Variants in GABRB2 observed in about 807,000 individuals in gnomAD.
GABRB2 encodes gamma-aminobutyric acid receptor subunit beta-2.
In GABRB2, 16 loss-of-function variants were observed where a neutral mutation model predicts 54.7. The observed-to-expected ratio is 0.29, with a 90% CI of 0.20 to 0.44. The LOEUF is 0.44. Among genes scored for constraint, GABRB2 ranks in the 20% least tolerant of loss-of-function variants. The probability of loss-of-function intolerance (pLI) is 1.00; values close to 1 mark genes in which losing one functional copy is unlikely to be tolerated. For synonymous variants in GABRB2, 244 were observed against 233.8 expected (o/e 1.04, Z -0.40); for missense variants, 355 against 644.0 (o/e 0.55, Z 4.86).
chr5:161,543,129 A>G (rs1365770035), intron 3 of GABRB2, among the ~76,000 whole-genome samples: 1 of 152,256 alleles, frequency 6.6e-6, no homozygotes, highest in East Asian at 1.9e-4. Context: ...TCTAATCATT[A>G]ATGTTGCAAT....
chr5:161,516,631 T>C (rs1332650585), intron 3 of GABRB2, among the ~76,000 whole-genome samples: 3 of 150,924 alleles, frequency 2.0e-5, no homozygotes, highest in African/African-American at 7.3e-5. Context: ...CTGTAGGGTT[T>C]GCAAATAAAG....
intron 3 of GABRB2, among the ~76,000 whole-genome samples, chr5:161,500,334 C>T (rs1759393573): frequency 6.6e-6 from 1 of 152,000 alleles, no homozygotes; most frequent in Admixed American, 6.6e-5. Context: ...TTTCCACCCA[C>T]ATATAAAACA....
chr5:161,369,946 G>T (rs1159049465), intron 5 of GABRB2, among the ~76,000 whole-genome samples: 1 of 152,154 alleles, frequency 6.6e-6, no homozygotes, highest in Non-Finnish European at 1.5e-5. Context: ...AAATTAAATT[G>T]TCTCTGCTTG....
At chr5:161,402,437 A>G (rs1250064009) in intron 5 of GABRB2, among the ~76,000 whole-genome samples, 1 of 152,178 alleles carries the variant, frequency 6.6e-6, no homozygotes, top group African/African-American at 2.4e-5. Context: ...CTCCAGTCTC[A>G]CAGGAATAAC....
intron 3 of GABRB2, among the ~76,000 whole-genome samples, chr5:161,509,426 T>G (rs2113399775): frequency 6.6e-6 from 1 of 152,092 alleles, no homozygotes; most frequent in African/African-American, 2.4e-5. Context: ...TGAAAAGCAC[T>G]TATCCCATTT....
intron 3 of GABRB2, among the ~76,000 whole-genome samples, chr5:161,485,778 T>C (rs1479404598): frequency 6.6e-6 from 1 of 151,908 alleles, no homozygotes; most frequent in African/African-American, 2.4e-5. Flanking sequence ...TCAGTGAGAC[T>C]CAATTCTGCA....
chr5:161,473,636 C>T (rs2964778), intron 3 of GABRB2, among the ~76,000 whole-genome samples: 7,388 of 151,958 alleles, frequency 0.049, 363 homozygotes, highest in Admixed American at 0.16. Context: ...TTCTTAGGAA[C>T]AAAAATAGCA....
intron 9 of GABRB2, among the ~76,000 whole-genome samples, chr5:161,322,506 G>C (rs887527606): frequency 6.6e-6 from 1 of 152,166 alleles, no homozygotes; most frequent in Non-Finnish European, 1.5e-5. Context: ...AAAGTGCTGG[G>C]ATCACAAGTG....
rs10042231 is a variant in GABRB2 at position 161,294,504 on chromosome 5, T to G, written c.1192-76A>C. On this transcript the variant is annotated intron_variant, in intron 9 of 9. Transcript: ENST00000393959. ...GTGCTTACTAGGCAAGGCACTATGATCGGCACTTAAGGGATTTATAGGAGT... is the reference window on the plus strand; with the variant it reads ...GTGCTTACTAGGCAAGGCACTATGAGCGGCACTTAAGGGATTTATAGGAGT... The G allele has an allele frequency of 3.1e-6, 4 of 1,286,286 alleles. No homozygotes were observed. The Admixed American group carries it at 8.0e-5, about 26-fold the overall frequency. 79.7% of individuals were successfully genotyped at this position (1,286,286 alleles called of 1,614,324 possible).
At chr5:161,519,287 A>T (rs1379329954) in intron 3 of GABRB2, among the ~76,000 whole-genome samples, 1 of 152,198 alleles carries the variant, frequency 6.6e-6, no homozygotes, top group South Asian at 2.1e-4. Flanking sequence ...TGTTCATCTC[A>T]ATTATCTTGC....
At chr5:161,506,353 C>A (rs1759606626) in intron 3 of GABRB2, among the ~76,000 whole-genome samples, 1 of 152,084 alleles carries the variant, frequency 6.6e-6, no homozygotes, top group South Asian at 2.1e-4. Context: ...GTAAAACTCC[C>A]ATTAGGCATT....
intron 1 of GABRB2, 62 bp downstream of exon 1, chr5:161,546,505 G>A: frequency 1.9e-6 from 3 of 1,561,014 alleles, no homozygotes; most frequent in Non-Finnish European, 2.6e-6. Context: ...CCTGCTCACA[G>A]AGGTATGCAG....
At chr5:161,389,109 T>C (rs1226617977) in intron 5 of GABRB2, among the ~76,000 whole-genome samples, 1 of 152,032 alleles carries the variant, frequency 6.6e-6, no homozygotes, top group Non-Finnish European at 1.5e-5. Flanking sequence ...ACCTATAAAA[T>C]TGGATTGTTA....
chr5:161,309,986 A>G lies in GABRB2; in HGVS notation c.1192-15558T>C, dbSNP rs867829179. Among the ~76,000 whole-genome samples the G allele has an allele frequency of 3.9e-5, 6 of 152,306 alleles. No homozygotes were observed. In the Middle Eastern group the frequency reaches 0.01, roughly 259 times the overall value. ...ACTCTGGAATACTATGCAGCTATAA[A>G]AAAGAAAAACGTTACATCCTTTGCA... is the stretch of plus-strand genomic sequence containing the variant. On this transcript the variant is annotated intron_variant, in intron 9 of 9. Coordinates refer to ENST00000393959, the MANE Select transcript of GABRB2 (RefSeq NM_001371727.1).
intron 3 of GABRB2, among the ~76,000 whole-genome samples, chr5:161,507,161 G>T (rs1010161545): frequency 2.0e-5 from 3 of 152,024 alleles, no homozygotes; most frequent in Non-Finnish European, 4.4e-5. Flanking sequence ...CTGAGAAACT[G>T]TCATACAATG....
chr5:161,375,877 G>C (rs1349897763), intron 5 of GABRB2, among the ~76,000 whole-genome samples: 2 of 152,078 alleles, frequency 1.3e-5, no homozygotes, highest in African/African-American at 4.8e-5. Context: ...TGACCAACCA[G>C]GATAAAAAAG....
intron 5 of GABRB2, among the ~76,000 whole-genome samples, chr5:161,394,641 A>G (rs1052402133): frequency 4.6e-5 from 7 of 152,136 alleles, no homozygotes; most frequent in African/African-American, 1.7e-4. Flanking sequence ...TAAACTAAAT[A>G]TGACATACGA....
intron 4 of GABRB2, among the ~76,000 whole-genome samples, chr5:161,448,289 G>T (rs561584423): frequency 6.6e-6 from 1 of 152,192 alleles, no homozygotes; most frequent in African/African-American, 2.4e-5. Flanking sequence ...CGGATGTAGT[G>T]GTGTGCACCT....
intron 3 of GABRB2, among the ~76,000 whole-genome samples, chr5:161,542,645 GA>G (rs954236651): frequency 6.6e-6 from 1 of 152,150 alleles, no homozygotes; most frequent in African/African-American, 2.4e-5. Flanking sequence ...ATGAGTCAAT[GA>G]CAATTTAAAT....
Sources: allele counts gnomAD v4.1 joint callset (sites outside exome capture counted in the v4.1 genomes callset), GRCh38; gene constraint gnomAD v4.1.1; transcripts MANE v1.5; gene names NCBI Gene and HGNC (gene_info 2026-07-23, HGNC 2026-07-21).